Variants in FRMD4A observed in about 807,000 individuals in gnomAD.
The protein encoded by FRMD4A is FERM domain containing 4A, also known as FERM domain-containing protein 4A.
Under a neutral mutation model 129.1 loss-of-function variants are expected in FRMD4A, and 29 were observed. That is an observed-to-expected ratio of 0.22 (90% CI 0.17 to 0.31). The LOEUF (loss-of-function observed/expected upper bound fraction) is 0.31, where lower values mean the gene tolerates loss of function less well. Among genes scored for constraint, FRMD4A ranks in the 10% least tolerant of loss-of-function variants. The pLI is 1.00. For synonymous variants in FRMD4A, 634 were observed against 571.6 expected (o/e 1.11, Z -1.56); for missense variants, 1,272 against 1,375.8 (o/e 0.92, Z 1.19).
At chr10:13,915,772 G>T (rs911017017) in intron 2 of FRMD4A, among the ~76,000 whole-genome samples, 5 of 152,094 alleles carry the variant, frequency 3.3e-5, no homozygotes, top group African/African-American at 1.2e-4. Context: ...GAAGCGGTGG[G>T]TGAGTGTCCT....
intron 8 of FRMD4A, among the ~76,000 whole-genome samples, chr10:13,754,003 A>G (rs929010716): frequency 6.6e-6 from 1 of 152,220 alleles, no homozygotes; most frequent in East Asian, 1.9e-4. Flanking sequence ...AAATTGTTTC[A>G]TAAGTCTACA....
intron 15 of FRMD4A, among the ~76,000 whole-genome samples, chr10:13,691,234 T>G (rs1360481224): frequency 6.6e-6 from 1 of 152,218 alleles, no homozygotes; most frequent in African/African-American, 2.4e-5. Flanking sequence ...GCGATCCGCC[T>G]GCCTTGGCCT....
Position 13,782,941 on chromosome 10 carries a change from G to T in FRMD4A, c.365C>A (p.Ala122Glu). ...NATIELFFLN[A>E]KSCIYKELID... is the part of the protein sequence containing the mutation. ...TCCTACCTTGTAGATGCAGGACTTC[G>T]CGTTCAGAAAGAAAAGCTCAATGGT... is the stretch of plus-strand genomic sequence containing the variant. The change falls in exon 6 of 25, where the codon GCG becomes GAG. Residue 122 changes from alanine to glutamate, a missense_variant. Transcript: ENST00000357447. 1 of 1,468,936 alleles carries T rather than the reference G, an allele frequency of 6.8e-7. No individual in the cohort carries two copies. Among genetic ancestry groups the T allele is most frequent in the Non-Finnish European group, 9.5e-7 (1 of 1,047,400 alleles). 91.0% of individuals were successfully genotyped at this position (1,468,936 alleles called of 1,614,324 possible).
chr10:13,892,749 G>A (rs1488601846), intron 2 of FRMD4A, among the ~76,000 whole-genome samples: 1 of 152,112 alleles, frequency 6.6e-6, no homozygotes, highest in Non-Finnish European at 1.5e-5. Flanking sequence ...TCCCACCATG[G>A]TTGATCTAGT....
At chr10:13,993,783 C>T (rs914112698) in intron 2 of FRMD4A, among the ~76,000 whole-genome samples, 3 of 151,548 alleles carry the variant, frequency 2.0e-5, no homozygotes, top group Non-Finnish European at 2.9e-5. Context: ...AGCTGGAGGA[C>T]GTGTATTCAA....
chr10:13,996,603 G>T (rs2095623358), intron 2 of FRMD4A, among the ~76,000 whole-genome samples: 2 of 152,308 alleles, frequency 1.3e-5, no homozygotes, highest in South Asian at 4.1e-4. Flanking sequence ...AGGGGCTGGT[G>T]AAGGGGAACT....
chr10:13,676,565 G>A (rs1390520673), intron 15 of FRMD4A, among the ~76,000 whole-genome samples: 2 of 151,854 alleles, frequency 1.3e-5, no homozygotes, highest in African/African-American at 2.4e-5. Context: ...ATGAGCCACC[G>A]CGCCCAGCCG....
chr10:14,226,854 C>CTCCT (rs1453516588), intron 2 of FRMD4A, among the ~76,000 whole-genome samples: 1 of 152,170 alleles, frequency 6.6e-6, no homozygotes, highest in Non-Finnish European at 1.5e-5. Context: ...CTTTACTGCC[C>CTCCT]TCCTGCTCCC....
chr10:14,309,995 G>A (rs1479810255), intron 2 of FRMD4A, among the ~76,000 whole-genome samples: 2 of 147,784 alleles, frequency 1.4e-5, no homozygotes, highest in Non-Finnish European at 3.0e-5. Context: ...TCCAGCACCT[G>A]TGATGTCCTT....
At chr10:14,037,423 G>A (rs1484437640) in intron 2 of FRMD4A, among the ~76,000 whole-genome samples, 2 of 152,120 alleles carry the variant, frequency 1.3e-5, no homozygotes, top group Non-Finnish European at 2.9e-5. Context: ...TTGCCATGTT[G>A]GCCAGGCTGG....
At chr10:14,056,462 G>A (rs748662959) in intron 2 of FRMD4A, among the ~76,000 whole-genome samples, 8 of 149,654 alleles carry the variant, frequency 5.3e-5, no homozygotes, top group Non-Finnish European at 1.0e-4. Flanking sequence ...CTGTCCCAGC[G>A]AATGACTTCC....
chr10:13,915,918 C>T (rs114257508), intron 2 of FRMD4A, among the ~76,000 whole-genome samples: 139 of 152,250 alleles, frequency 9.1e-4, no homozygotes, highest in Middle Eastern at 3.4e-3. Context: ...CCAGGCACGG[C>T]GAACAAAGAG....
chr10:14,173,432 A>G (rs1158584095), intron 2 of FRMD4A, among the ~76,000 whole-genome samples: 3 of 152,122 alleles, frequency 2.0e-5, no homozygotes, highest in Non-Finnish European at 4.4e-5. Flanking sequence ...CAAGTTCAAG[A>G]TGTCAGGCTA....
At chr10:13,914,552 G>A (rs2094978367) in intron 2 of FRMD4A, among the ~76,000 whole-genome samples, 1 of 152,024 alleles carries the variant, frequency 6.6e-6, no homozygotes, top group Admixed American at 6.6e-5. Flanking sequence ...TTATCCCTTG[G>A]TTGCATTTAT....
In FRMD4A at chr10:14,042,848, C is replaced by T. The variant is rs534554399; in HGVS notation, c.46-183936G>A. ...GGGCGTGGTAGTGCAAACCTGTAAT[C>T]CTAGCTACTCGGGACGCTGTAAGCC... On this transcript the variant is annotated intron_variant, in intron 2 of 24. Coordinates refer to ENST00000357447, the MANE Select transcript of FRMD4A (RefSeq NM_018027.5). Among the ~76,000 whole-genome samples the T allele has an allele frequency of 6.2e-5, 9 of 145,170 alleles. No homozygotes were observed. In the South Asian group the frequency reaches 1.9e-3, roughly 31 times the overall value.
At chr10:14,044,180 AC>A (rs1363690003) in intron 2 of FRMD4A, among the ~76,000 whole-genome samples, 1 of 151,950 alleles carries the variant, frequency 6.6e-6, no homozygotes, top group African/African-American at 2.4e-5. Flanking sequence ...CAGTTGTCCA[AC>A]CCAGTTGATT....
intron 2 of FRMD4A, among the ~76,000 whole-genome samples, chr10:13,880,486 G>A (rs375762909): frequency 6.6e-6 from 1 of 152,058 alleles, no homozygotes; most frequent in Admixed American, 6.5e-5. Flanking sequence ...TCACCCACAC[G>A]GCACCCAAAC....
In FRMD4A at chr10:13,644,173, A is replaced by G. The variant is rs937289919; in HGVS notation, c.*2865T>C. On this transcript the variant is annotated 3_prime_UTR_variant, in exon 25 of 25. Coordinates refer to ENST00000357447, the MANE Select transcript of FRMD4A (RefSeq NM_018027.5). The stretch of plus-strand genomic sequence containing the variant: ...ATAAAAAATCAACCTGGCTCACAAC[A>G]TAGTCTGATGTATGTGTTTTCACCA... 5.3e-5 allele frequency: 8 copies of G among 152,378 alleles called. No homozygotes were observed. The highest frequency in any genetic ancestry group is 1.9e-4 in the African/African-American group (8 of 41,464). The allele number at this position is 152,378 out of a possible 1,614,324, so 9.4% of individuals were successfully genotyped here. A position where few individuals can be genotyped will look rare whatever the true frequency, so the allele number is the denominator to read the frequency against.
At chr10:14,128,367 G>C (rs540856158) in intron 2 of FRMD4A, among the ~76,000 whole-genome samples, 8 of 152,210 alleles carry the variant, frequency 5.3e-5, no homozygotes, top group African/African-American at 1.9e-4. Flanking sequence ...GCCCCACAAA[G>C]TGCTGGGATT....
Sources: gnomAD v4.1 joint callset for allele counts (sites outside exome capture counted in the v4.1 genomes callset) on GRCh38, gnomAD v4.1.1 for gene constraint, MANE v1.5 for transcripts, NCBI Gene and HGNC (gene_info 2026-07-23, HGNC 2026-07-21) for gene names.